RALGPS2: variants seen among roughly 807,000 people sequenced by gnomAD.
RALGPS2 encodes Ral GEF with PH domain and SH3 binding motif 2, also known as ras-specific guanine nucleotide-releasing factor RalGPS2.
RALGPS2 carries 43 observed loss-of-function variants against 86.8 expected under a neutral mutation model. That is an observed-to-expected ratio of 0.50 (90% CI 0.39 to 0.64). The LOEUF (loss-of-function observed/expected upper bound fraction) is 0.64. Among genes scored for constraint, RALGPS2 ranks in the 30% least tolerant of loss-of-function variants. The pLI is 0.00. For synonymous variants in RALGPS2, 243 were observed against 231.3 expected (o/e 1.05, Z -0.46); for missense variants, 536 against 694.6 (o/e 0.77, Z 2.57).
At position 178,917,624 on chromosome 1, in the gene RALGPS2, T is replaced by C. The variant is rs1289703128; in HGVS notation, c.*1265T>C. The C allele has an allele frequency of 6.6e-6, 1 of 152,198 alleles. No individual in the cohort carries two copies. The highest frequency in any genetic ancestry group is 1.5e-5 in the Non-Finnish European group (1 of 68,018). 9.4% of individuals were successfully genotyped at this position (152,198 alleles called of 1,614,324 possible). Reference sequence around the variant, plus strand: ...GAAAATTTACTGTCGGTCTCTGACATGAAACCGTATTTTGTCAGTAGTTGA... The same window carrying C: ...GAAAATTTACTGTCGGTCTCTGACACGAAACCGTATTTTGTCAGTAGTTGA... On this transcript the variant is annotated 3_prime_UTR_variant, in exon 20 of 20. Transcript: ENST00000367635.
intron 12 of RALGPS2, 64 bp from the exon 13 acceptor site, chr1:178,885,900 TTTATA>T: frequency 7.6e-7 from 1 of 1,313,126 alleles, no homozygotes; most frequent in Non-Finnish European, 1.0e-6. Flanking sequence ...GTCCTAAATC[TTTATA>T]TAAAGAGCAG....
At chr1:178,785,523 A>G in intron 3 of RALGPS2, 34 bp from the exon 4 acceptor site, 4 of 1,560,488 alleles carry the variant, frequency 2.6e-6, no homozygotes, top group Non-Finnish European at 2.6e-6. Flanking sequence ...TAGAATTCCA[A>G]AGAAGAAATT....
chr1:178,756,852 A>T (rs1402384940), intron 1 of RALGPS2, among the ~76,000 whole-genome samples: 1 of 152,108 alleles, frequency 6.6e-6, no homozygotes, highest in South Asian at 2.1e-4. Context: ...TATCAAGGTG[A>T]TGCTGGCTTC....
At chr1:178,847,980 A>C (rs1490902361) in intron 8 of RALGPS2, among the ~76,000 whole-genome samples, 2 of 152,140 alleles carry the variant, frequency 1.3e-5, no homozygotes, top group East Asian at 1.9e-4. Flanking sequence ...TTTAGTCCAG[A>C]ATAGAGTCTA....
At chr1:178,739,545 T>A (rs936297830) in intron 1 of RALGPS2, among the ~76,000 whole-genome samples, 1 of 152,224 alleles carries the variant, frequency 6.6e-6, no homozygotes, top group Admixed American at 6.5e-5. Context: ...CTAGGTGTTG[T>A]TGGCACGATT....
chr1:178,840,851 A>G (rs1168637750), intron 8 of RALGPS2, among the ~76,000 whole-genome samples: 3 of 152,254 alleles, frequency 2.0e-5, no homozygotes, highest in African/African-American at 4.8e-5. Flanking sequence ...ACAAACTACC[A>G]TCAGAGAATA....
intron 7 of RALGPS2, among the ~76,000 whole-genome samples, chr1:178,824,881 G>A (rs902726804): frequency 1.3e-5 from 2 of 152,184 alleles, no homozygotes; most frequent in Admixed American, 1.3e-4. Flanking sequence ...TTTAGTTACA[G>A]ATGCAGGTAA....
At chr1:178,773,628 C>T (rs1317359792) in intron 1 of RALGPS2, among the ~76,000 whole-genome samples, 1 of 151,988 alleles carries the variant, frequency 6.6e-6, no homozygotes, top group African/African-American at 2.4e-5. Context: ...AACCCCATCT[C>T]TACTAAAAAT....
At chr1:178,732,569 G>T (rs920620445) in intron 1 of RALGPS2, among the ~76,000 whole-genome samples, 1 of 152,072 alleles carries the variant, frequency 6.6e-6, no homozygotes, top group Admixed American at 6.6e-5. Flanking sequence ...AAAGTGCTGG[G>T]ATTACAGGCG....
chr1:178,844,682 ATTTG>A (rs1397604333), intron 8 of RALGPS2, among the ~76,000 whole-genome samples: 2 of 152,168 alleles, frequency 1.3e-5, no homozygotes, highest in Non-Finnish European at 2.9e-5. Flanking sequence ...AACAACACTT[ATTTG>A]TTCTTGTCAT....
chr1:178,856,860 G>A (rs1021715701), intron 8 of RALGPS2, among the ~76,000 whole-genome samples: 9 of 152,056 alleles, frequency 5.9e-5, no homozygotes, highest in East Asian at 3.9e-4. Context: ...AAATTCATGC[G>A]TTAAAAATAG....
At chr1:178,817,834 A>G (rs557212261) in intron 6 of RALGPS2, among the ~76,000 whole-genome samples, 1 of 152,266 alleles carries the variant, frequency 6.6e-6, no homozygotes, top group African/African-American at 2.4e-5. Context: ...ATTATTTCTA[A>G]TAGACAGCCA....
At chr1:178,876,136 A>G (rs886346791) in intron 8 of RALGPS2, among the ~76,000 whole-genome samples, 31 of 152,330 alleles carry the variant, frequency 2.0e-4, no homozygotes, top group Admixed American at 6.5e-4. Context: ...AAAACATTGC[A>G]CAAGATTTTC....
chr1:178,856,057 A>G (rs1326802280), intron 8 of RALGPS2, among the ~76,000 whole-genome samples: 1 of 149,356 alleles, frequency 6.7e-6, no homozygotes, highest in East Asian at 1.9e-4. Flanking sequence ...ATATTTTACT[A>G]GAAATATGTG....
At chr1:178,803,050 A>G (rs1472201050) in intron 4 of RALGPS2, among the ~76,000 whole-genome samples, 1 of 152,144 alleles carries the variant, frequency 6.6e-6, no homozygotes, top group Non-Finnish European at 1.5e-5. Context: ...CCTCATTTTG[A>G]TAAGAGTGTT....
At chr1:178,863,559 AAAG>A (rs1357709576) in intron 8 of RALGPS2, among the ~76,000 whole-genome samples, 12 of 152,372 alleles carry the variant, frequency 7.9e-5, no homozygotes, top group African/African-American at 2.9e-4. Context: ...AGATAAGCTG[AAAG>A]AAGGTGTTTC....
At chr1:178,729,267 CTTTA>C (rs762446274) in intron 1 of RALGPS2, among the ~76,000 whole-genome samples, 3 of 151,968 alleles carry the variant, frequency 2.0e-5, no homozygotes, top group Admixed American at 6.5e-5. Flanking sequence ...CTTTGCCTTG[CTTTA>C]TTTATTTATT....
At chr1:178,746,978 T>C (rs988854322) in intron 1 of RALGPS2, 12 of 976,022 alleles carry the variant, frequency 1.2e-5, no homozygotes, top group African/African-American at 3.1e-5. Flanking sequence ...GAAAGTTCTT[T>C]CCATCGTTTC....
chr1:178,907,208 G>A (rs1660423315), intron 19 of RALGPS2, among the ~76,000 whole-genome samples: 1 of 152,150 alleles, frequency 6.6e-6, no homozygotes, highest in African/African-American at 2.4e-5. Flanking sequence ...ACCACAAGAA[G>A]GAACGAGCTA....
Sources: allele counts gnomAD v4.1 joint callset (sites outside exome capture counted in the v4.1 genomes callset), GRCh38; gene constraint gnomAD v4.1.1; transcripts MANE v1.5; gene names NCBI Gene and HGNC (gene_info 2026-07-23, HGNC 2026-07-21).